Variants in FOXP1 observed in about 807,000 individuals in gnomAD.
FOXP1 encodes the protein forkhead box P1.
A neutral mutation model predicts 98.2 loss-of-function variants in FOXP1; 15 were observed. That is an observed-to-expected ratio of 0.15 (90% CI 0.10 to 0.24). The LOEUF (loss-of-function observed/expected upper bound fraction) is 0.24, where lower values mean the gene tolerates loss of function less well. Among genes scored for constraint, FOXP1 ranks in the 10% least tolerant of loss-of-function variants. The probability of loss-of-function intolerance (pLI) is 1.00; values close to 1 mark genes in which losing one functional copy is unlikely to be tolerated. For missense variants in FOXP1, 633 were observed against 848.5 expected (o/e 0.75, Z 3.15); for synonymous variants, 371 against 314.5 (o/e 1.18, Z -1.90).
intron 5 of FOXP1, among the ~76,000 whole-genome samples, chr3:71,260,696 C>A (rs2069055416): frequency 6.6e-6 from 1 of 151,996 alleles, no homozygotes; most frequent in South Asian, 2.1e-4. Context: ...GCGCACGTCA[C>A]CATGCCTGGC....
chr3:71,100,041 A>G (rs2056820536), intron 7 of FOXP1, among the ~76,000 whole-genome samples: 1 of 152,132 alleles, frequency 6.6e-6, no homozygotes, highest in Non-Finnish European at 1.5e-5. Flanking sequence ...AGAGAAAAAG[A>G]CCTCTCCACT....
chr3:71,332,934 G>A (rs7644066), intron 4 of FOXP1: 87,231 of 152,062 alleles, frequency 0.57, 27,500 homozygotes, highest in East Asian at 0.9. Flanking sequence ...TAAATGGACA[G>A]TATGGTGAGC....
intron 7 of FOXP1, among the ~76,000 whole-genome samples, chr3:71,082,573 A>G (rs1027268092): frequency 4.0e-5 from 6 of 151,482 alleles, no homozygotes; most frequent in Admixed American, 6.6e-5. Context: ...ATGTATACCT[A>G]TGTAACAAAC....
At chr3:71,153,352 C>T (rs1365237190) in intron 6 of FOXP1, among the ~76,000 whole-genome samples, 5 of 152,042 alleles carry the variant, frequency 3.3e-5, no homozygotes, top group Non-Finnish European at 7.4e-5. Flanking sequence ...CAATCCAAAC[C>T]TTTATTCCTG....
intron 7 of FOXP1, among the ~76,000 whole-genome samples, chr3:71,096,292 A>C (rs1232673962): frequency 6.6e-6 from 1 of 152,202 alleles, no homozygotes; most frequent in Non-Finnish European, 1.5e-5. Flanking sequence ...GGGTGGGCAT[A>C]AAAAGCACTT....
At chr3:71,078,702 A>G (rs1472115687) in intron 7 of FOXP1, among the ~76,000 whole-genome samples, 3 of 151,956 alleles carry the variant, frequency 2.0e-5, no homozygotes, top group Non-Finnish European at 4.4e-5. Flanking sequence ...CAACTAGATA[A>G]CGTTGCCCAA....
At chr3:70,996,043 A>G (rs1024468770) in intron 13 of FOXP1, among the ~76,000 whole-genome samples, 1 of 152,154 alleles carries the variant, frequency 6.6e-6, no homozygotes, top group South Asian at 2.1e-4. Flanking sequence ...CTGCAATGCA[A>G]TGGCGCAATC....
intron 5 of FOXP1, among the ~76,000 whole-genome samples, chr3:71,239,112 A>G (rs1394547104): frequency 6.6e-6 from 1 of 152,192 alleles, no homozygotes; most frequent in Non-Finnish European, 1.5e-5. Flanking sequence ...GAAATTTCAC[A>G]GTGGGAATAT....
chr3:71,406,104 C>A (rs2082301503), intron 3 of FOXP1, among the ~76,000 whole-genome samples: 1 of 152,108 alleles, frequency 6.6e-6, no homozygotes, highest in Admixed American at 6.5e-5. Flanking sequence ...AGTCACCGTA[C>A]CATACCAGGC....
At chr3:71,104,797 C>T (rs2057289881) in intron 7 of FOXP1, among the ~76,000 whole-genome samples, 1 of 152,174 alleles carries the variant, frequency 6.6e-6, no homozygotes, top group Non-Finnish European at 1.5e-5. Flanking sequence ...GACAAAACGT[C>T]CTGATATATA....
intron 7 of FOXP1, among the ~76,000 whole-genome samples, chr3:71,076,315 T>C (rs1235285382): frequency 1.3e-5 from 2 of 152,204 alleles, no homozygotes; most frequent in Non-Finnish European, 2.9e-5. Flanking sequence ...TGGAAATCTA[T>C]TTTCTTTTCT....
chr3:71,237,774 A>C (rs2066924236), intron 5 of FOXP1, among the ~76,000 whole-genome samples: 1 of 152,236 alleles, frequency 6.6e-6, no homozygotes, highest in African/African-American at 2.4e-5. Context: ...CATATCTATA[A>C]GTTCCACAGC....
At chr3:71,066,579 G>C (rs1225146652) in intron 7 of FOXP1, among the ~76,000 whole-genome samples, 1 of 152,322 alleles carries the variant, frequency 6.6e-6, no homozygotes, top group Non-Finnish European at 1.5e-5. Flanking sequence ...GGCTGGCAGA[G>C]AGCCCCAACG....
intron 5 of FOXP1, among the ~76,000 whole-genome samples, chr3:71,229,394 T>C (rs9864811): frequency 0.027 from 4,125 of 152,196 alleles, 211 homozygotes; most frequent in African/African-American, 0.093. Context: ...GTTCCTGACC[T>C]CATTATAAAA....
chr3:71,428,773 A>T (rs543035784), intron 3 of FOXP1, among the ~76,000 whole-genome samples: 3 of 152,332 alleles, frequency 2.0e-5, no homozygotes, highest in African/African-American at 7.2e-5. Flanking sequence ...GCCTGGACAC[A>T]CATACACACA....
At chr3:71,385,180 T>G (rs1050952298) in intron 3 of FOXP1, among the ~76,000 whole-genome samples, 1 of 151,874 alleles carries the variant, frequency 6.6e-6, no homozygotes, top group Non-Finnish European at 1.5e-5. Context: ...TTTCGGCAGA[T>G]GAATGGATTT....
At chr3:71,087,786 G>A (rs994363756) in intron 7 of FOXP1, among the ~76,000 whole-genome samples, 3 of 152,060 alleles carry the variant, frequency 2.0e-5, no homozygotes, top group Non-Finnish European at 4.4e-5. Flanking sequence ...GAGAACTAAG[G>A]TGTCTAAGCA....
intron 5 of FOXP1, among the ~76,000 whole-genome samples, chr3:71,260,131 CT>C (rs1314631320): frequency 6.6e-6 from 1 of 152,126 alleles, no homozygotes; most frequent in Non-Finnish European, 1.5e-5. Flanking sequence ...CTACAGGCAC[CT>C]GCCACCACGC....
chr3:71,185,824 G>A (rs2062612525), intron 6 of FOXP1, among the ~76,000 whole-genome samples: 1 of 152,142 alleles, frequency 6.6e-6, no homozygotes, highest in Admixed American at 6.5e-5. Context: ...ATTATCTCCT[G>A]ATGGAAGAGG....
Sources: gnomAD v4.1 joint callset for allele counts (sites outside exome capture counted in the v4.1 genomes callset) on GRCh38, gnomAD v4.1.1 for gene constraint, MANE v1.5 for transcripts, NCBI Gene and HGNC (gene_info 2026-07-23, HGNC 2026-07-21) for gene names.